The following CLCN7 variants were observed in gnomAD, a reference collection of about 807,000 sequenced individuals.
The protein encoded by CLCN7 is H(+)/Cl(-) exchange transporter 7.
CLCN7 carries 60 observed loss-of-function variants against 102.1 expected under a neutral mutation model. The observed-to-expected ratio is 0.59, with a 90% CI of 0.48 to 0.73. The LOEUF is 0.73. Among genes scored for constraint, CLCN7 ranks in the 30% least tolerant of loss-of-function variants. CLCN7 has a pLI of 0.00. For missense variants in CLCN7, 962 were observed against 1,125.7 expected, an observed-to-expected ratio of 0.85 and a Z score of 2.08; for synonymous variants, 560 against 490.5, an observed-to-expected ratio of 1.14 and a Z score of -1.87.
Position 1,457,748 on chromosome 16 carries a change from C to A in CLCN7, c.684G>T (p.Val228=), listed in dbSNP as rs766435458. Residue 228 remains valine (V), a synonymous_variant, in exon 8 of 25, where the codon GTG becomes GTT. Coordinates refer to ENST00000382745, the MANE Select transcript of CLCN7 (RefSeq NM_001287.6). This position sits in a 1 kb window ranked among gnomAD's most constrained non-coding sequence, Gnocchi z 5.4. ...IPHVVRLKTL[V]IKVSGVILSV... ...ACAGGATCACACCGGACACTTTGAT[C>A]ACCAACGTCTGAAACACAGGGAGAC... is the stretch of plus-strand genomic sequence containing the variant. The A allele has an allele frequency of 1.9e-6, 3 of 1,613,876 alleles. No homozygotes were observed. The South Asian group carries it at 3.3e-5, about 18-fold the overall frequency.
intron 2 of CLCN7, among the ~76,000 whole-genome samples, chr16:1,464,496 G>A (rs1047621283): frequency 3.3e-5 from 5 of 152,268 alleles, no homozygotes; most frequent in African/African-American, 9.6e-5. Flanking sequence ...GGGCAGCCCC[G>A]GAAGAGGCGC....
At chr16:1,473,606 C>G (rs937237606) in intron 1 of CLCN7, among the ~76,000 whole-genome samples, 1 of 150,894 alleles carries the variant, frequency 6.6e-6, no homozygotes, top group African/African-American at 2.4e-5. Flanking sequence ...ATCTCCTGAC[C>G]TCATGATCCA....
At chr16:1,447,301 C>A (rs905533562) in intron 23 of CLCN7, 91 bp downstream of exon 23, 2 of 1,281,010 alleles carry the variant, frequency 1.6e-6, no homozygotes, top group Admixed American at 2.1e-5. Flanking sequence ...TCCGCTGTGG[C>A]CCCCCCCGGC....
In CLCN7 at chr16:1,446,259, C is replaced by T; in HGVS notation, c.*372G>A. 1 of 682,470 alleles carries T rather than the reference C, an allele frequency of 1.5e-6. No individual in the cohort carries two copies. The highest frequency in any genetic ancestry group is 2.7e-6 in the Non-Finnish European group (1 of 375,784). 42.3% of individuals were successfully genotyped at this position (682,470 alleles called of 1,614,324 possible). A position where few individuals can be genotyped will look rare whatever the true frequency, so the allele number is the denominator to read the frequency against. On this transcript the variant is annotated 3_prime_UTR_variant, in exon 25 of 25. Transcript: ENST00000382745. ...GCAGCCCTCGGGGCAGCAGCAGGGG[C>T]AAGGGCTCTGTCTCACGCACACGGG...
chr16:1,449,225 C>T (rs373980225), intron 18 of CLCN7, 51 bp downstream of exon 18: 10 of 1,567,358 alleles, frequency 6.4e-6, no homozygotes, highest in Non-Finnish European at 8.6e-6. Flanking sequence ...GCCATGGCCC[C>T]CTCCAGACCC....
intron 7 of CLCN7, among the ~76,000 whole-genome samples, chr16:1,458,899 C>T (rs76738106): frequency 0.012 from 1,848 of 152,284 alleles, 41 homozygotes; most frequent in African/African-American, 0.042. Context: ...TCATTTCTTA[C>T]GTAATTTAAT....
At chr16:1,455,965 A>G (rs530473398) in intron 10 of CLCN7, 148 bp downstream of exon 10, 1 of 975,566 alleles carries the variant, frequency 1.0e-6, no homozygotes, top group East Asian at 2.6e-5. Flanking sequence ...GGCTGGACCC[A>G]AGTACACTGC....
chr16:1,473,547 G>C (rs918316474), intron 1 of CLCN7, among the ~76,000 whole-genome samples: 1 of 150,666 alleles, frequency 6.6e-6, no homozygotes, highest in South Asian at 2.1e-4. Context: ...CTAATTTTTT[G>C]TATTTTTAGT....
Position 1,456,145 on chromosome 16 carries a change from G to A in CLCN7, c.884C>T (p.Ala295Val). The A allele has an allele frequency of 6.4e-7, 1 of 1,563,956 alleles. No individual in the cohort carries two copies. The highest frequency in any genetic ancestry group is 8.7e-7 in the Non-Finnish European group (1 of 1,153,850). ...GGCTCCAAACGCCGCTGACACTCCG[G>A]CCGCAGCCCCTGCGGAGACGAAGTC... is the stretch of plus-strand genomic sequence containing the variant. ...KRDFVSAGAA[A>V]GVSAAFGAPV... The change falls in exon 10 of 25, where the codon GCC becomes GTC. Residue 295 changes from alanine (A) to valine (V), a missense_variant. Physicochemically the swap from Ala to Val is moderately conservative, Grantham distance 64. Transcript: ENST00000382745.
chr16:1,448,198 C>T, intron 21 of CLCN7, 157 bp downstream of exon 21: 1 of 1,027,660 alleles, frequency 9.7e-7, no homozygotes, highest in Non-Finnish European at 1.4e-6. Context: ...GTCCACACAG[C>T]CCTCCATGGC....
chr16:1,448,727 A>G lies in CLCN7; in HGVS notation c.1837T>C (p.Phe613Leu), dbSNP rs1468841343. 2 of 1,612,624 alleles carry G rather than the reference A, an allele frequency of 1.2e-6. No individual in the cohort carries two copies. Among genetic ancestry groups the G allele is most frequent in the Admixed American group, 3.3e-5 (2 of 60,026 alleles). The change falls in exon 20 of 25, where the codon TTC (phenylalanine) becomes CTC (leucine). Residue 613 changes from phenylalanine to leucine, a missense_variant. Transcript: ENST00000382745. The part of the protein sequence containing the change: ...DMHIQLQSVP[F>L]LHWEAPVTSH... ...GTGACCGGGGCCTCCCAGTGCAGGA[A>G]GGGCACACTCTGCAGCTGAATGTGC...
rs1488639326 is a variant in CLCN7, at chr16:1,448,845, G to C, written c.1798-79C>G. On this transcript the variant is annotated intron_variant, in intron 19 of 24. Coordinates refer to ENST00000382745, the MANE Select transcript of CLCN7 (RefSeq NM_001287.6). The stretch of plus-strand genomic sequence containing the variant: ...CCCCGAGCCTACCCCTGGGAGCCCA[G>C]AGGCCGCCCCCAGAAACCCTGAGCC... The C allele has an allele frequency of 2.1e-5, 33 of 1,596,000 alleles. No individual in the cohort carries two copies. The Admixed American group carries it at 5.2e-4, about 25-fold the overall frequency.
At chr16:1,454,213 C>T (rs564973714) in intron 13 of CLCN7, among the ~76,000 whole-genome samples, 198 bp downstream of exon 13, 55 of 152,364 alleles carry the variant, frequency 3.6e-4, no homozygotes, top group Non-Finnish European at 6.2e-4. Context: ...AGATAAACAA[C>T]GGGAAGCCAC....
intron 1 of CLCN7, among the ~76,000 whole-genome samples, chr16:1,465,826 C>T (rs1425180282): frequency 6.6e-6 from 1 of 152,140 alleles, no homozygotes; most frequent in African/African-American, 2.4e-5. Flanking sequence ...ACAGGACGCC[C>T]AGCTGTCAGG....
chr16:1,449,829 TTTAAAACGATGAG>T (rs2038715739), intron 17 of CLCN7: 1 of 206,714 alleles, frequency 4.8e-6, no homozygotes, highest in Non-Finnish European at 9.9e-6. Context: ...AACTGCCCTC[TTTAAAACGATGAG>T]TTTTACGGTA....
At chr16:1,469,457 G>A (rs1319590659) in intron 1 of CLCN7, among the ~76,000 whole-genome samples, 4 of 151,994 alleles carry the variant, frequency 2.6e-5, no homozygotes, top group Non-Finnish European at 4.4e-5. Flanking sequence ...AGGCTGAGGC[G>A]GGCTGATCAC....
At chr16:1,449,568 A>G in intron 17 of CLCN7, 1 of 594,242 alleles carries the variant, frequency 1.7e-6, no homozygotes, top group South Asian at 2.0e-5. Flanking sequence ...TGGAGGATGC[A>G]GAGGGCACAG....
chr16:1,455,940 T>A (rs2038828593), intron 10 of CLCN7, 145 bp from the exon 11 acceptor site: 6 of 1,057,358 alleles, frequency 5.7e-6, no homozygotes, highest in Non-Finnish European at 8.4e-6. Flanking sequence ...AGAGGGACCC[T>A]GAGGGAGGTC....
intron 2 of CLCN7, 45 bp downstream of exon 2, chr16:1,465,222 G>C: frequency 6.4e-7 from 1 of 1,573,212 alleles, no homozygotes; most frequent in Non-Finnish European, 8.7e-7. Context: ...CCTCTGCTAA[G>C]ATGCAGCTAG....
Sources: allele counts gnomAD v4.1 joint callset (sites outside exome capture counted in the v4.1 genomes callset), GRCh38; gene constraint gnomAD v4.1.1; non-coding constraint Gnocchi (gnomAD v3.1); transcripts MANE v1.5; gene names NCBI Gene and HGNC (gene_info 2026-07-23, HGNC 2026-07-21).